Variants in SMAP1 observed in about 807,000 individuals in gnomAD.
SMAP1 encodes small ArfGAP 1, also known as stromal membrane-associated protein 1.
Under a neutral mutation model 58.5 loss-of-function variants are expected in SMAP1, and 24 were observed. The observed-to-expected ratio is 0.41, with a 90% confidence interval of 0.30 to 0.58. The LOEUF (loss-of-function observed/expected upper bound fraction) is 0.58, where lower values mean the gene tolerates loss of function less well. SMAP1 is among the 20% of genes least tolerant of loss of function. The pLI is 0.29. For synonymous variants in SMAP1, 216 were observed against 196.6 expected, an observed-to-expected ratio of 1.10 and a Z score of -0.82; for missense variants, 563 against 566.3, an observed-to-expected ratio of 0.99 and a Z score of 0.06.
intron 1 of SMAP1, among the ~76,000 whole-genome samples, chr6:70,690,823 C>A (rs73747024): frequency 0.013 from 1,900 of 151,846 alleles, 32 homozygotes; most frequent in African/African-American, 0.043. Context: ...TTTAGGCTCA[C>A]CAAATGAATT....
intron 1 of SMAP1, among the ~76,000 whole-genome samples, chr6:70,708,804 G>A (rs757700671): frequency 6.6e-5 from 10 of 152,110 alleles, no homozygotes; most frequent in Non-Finnish European, 1.0e-4. Context: ...CCGTTTTTAA[G>A]TAAGTGTTTT....
chr6:70,689,661 G>T (rs1767076076), intron 1 of SMAP1, among the ~76,000 whole-genome samples: 1 of 152,144 alleles, frequency 6.6e-6, no homozygotes, highest in Non-Finnish European at 1.5e-5. Flanking sequence ...ATTTGAGAGA[G>T]AATTGACATC....
intron 8 of SMAP1, 29 bp downstream of exon 8, chr6:70,852,693 G>T: frequency 6.6e-7 from 1 of 1,508,476 alleles, no homozygotes; most frequent in South Asian, 1.4e-5. Context: ...GTTTTATATG[G>T]TCACTGCTTA....
chr6:70,793,834 A>G (rs1444048802), intron 5 of SMAP1, among the ~76,000 whole-genome samples: 1 of 151,998 alleles, frequency 6.6e-6, no homozygotes, highest in Non-Finnish European at 1.5e-5. Context: ...TCCCGGGTTC[A>G]AGCAATTCTT....
intron 8 of SMAP1, 115 bp from the exon 9 acceptor site, chr6:70,856,744 C>T (rs1282391152): frequency 1.9e-6 from 2 of 1,079,954 alleles, no homozygotes; most frequent in East Asian, 2.6e-5. Flanking sequence ...ACCATTTTAC[C>T]TTCTACAATT....
intron 1 of SMAP1, among the ~76,000 whole-genome samples, chr6:70,707,859 C>G (rs1312518187): frequency 6.6e-6 from 1 of 152,158 alleles, no homozygotes; most frequent in African/African-American, 2.4e-5. Context: ...TGTATTTAAG[C>G]TGTACAGCAT....
At chr6:70,849,333 A>G (rs1047044522) in intron 7 of SMAP1, among the ~76,000 whole-genome samples, 4 of 152,244 alleles carry the variant, frequency 2.6e-5, no homozygotes, top group African/African-American at 7.2e-5. Flanking sequence ...TGACAGCTCC[A>G]TTAACCATGG....
At chr6:70,819,959 A>G (rs12173654) in intron 6 of SMAP1, among the ~76,000 whole-genome samples, 1 of 152,308 alleles carries the variant, frequency 6.6e-6, no homozygotes, top group East Asian at 1.9e-4. Flanking sequence ...ATAAGGCTCT[A>G]TAGGATAGTG....
intron 3 of SMAP1, among the ~76,000 whole-genome samples, chr6:70,768,180 A>G (rs1335432560): frequency 1.3e-5 from 2 of 152,328 alleles, no homozygotes; most frequent in South Asian, 2.1e-4. Context: ...TTTTGCATCA[A>G]TGTTCATCAA....
chr6:70,827,770 G>C (rs1158214392), intron 6 of SMAP1, among the ~76,000 whole-genome samples: 1 of 152,194 alleles, frequency 6.6e-6, no homozygotes, highest in Admixed American at 6.5e-5. Flanking sequence ...CCAGCCCAGT[G>C]AGATACTGTT....
intron 4 of SMAP1, among the ~76,000 whole-genome samples, chr6:70,779,899 G>C (rs544900147): frequency 2.6e-5 from 4 of 152,168 alleles, no homozygotes; most frequent in Non-Finnish European, 5.9e-5. Flanking sequence ...TGACTGCACA[G>C]AGACCATAGT....
chr6:70,805,208 C>CT (rs899450360), intron 6 of SMAP1, among the ~76,000 whole-genome samples: 4 of 152,092 alleles, frequency 2.6e-5, no homozygotes, highest in Non-Finnish European at 5.9e-5. Context: ...TCTTATTACT[C>CT]TTTTTTCTCT....
intron 1 of SMAP1, among the ~76,000 whole-genome samples, chr6:70,697,952 A>G (rs150202903): frequency 5.9e-5 from 9 of 152,314 alleles, no homozygotes; most frequent in East Asian, 1.9e-4. Flanking sequence ...CACAATTACA[A>G]TGCTACAATA....
intron 3 of SMAP1, among the ~76,000 whole-genome samples, chr6:70,755,813 TC>T (rs1233264455): frequency 6.6e-6 from 1 of 152,036 alleles, no homozygotes; most frequent in Non-Finnish European, 1.5e-5. Context: ...TTCCATATAT[TC>T]TTTGATTACC....
intron 3 of SMAP1, among the ~76,000 whole-genome samples, chr6:70,763,359 A>G (rs1766834349): frequency 1.3e-5 from 2 of 152,072 alleles, no homozygotes; most frequent in African/African-American, 2.4e-5. Context: ...AAGGTGGCAA[A>G]TGTTATAACA....
At chr6:70,732,113 G>C (rs1765453177) in intron 1 of SMAP1, among the ~76,000 whole-genome samples, 1 of 152,102 alleles carries the variant, frequency 6.6e-6, no homozygotes, top group Non-Finnish European at 1.5e-5. Context: ...TGAAGAAGCT[G>C]TTTATATAAA....
rs1766092267 is a variant in SMAP1, at chr6:70,667,929, CGGTCCCGGCGGCG to C, written c.-94_-82del. 1 of 1,061,420 alleles carries C rather than the reference CGGTCCCGGCGGCG, an allele frequency of 9.4e-7. No homozygotes were observed. The highest frequency in any genetic ancestry group is 2.8e-5 in the Admixed American group (1 of 35,810). The allele number at this position is 1,061,420 out of a possible 1,614,324, so 65.8% of individuals were successfully genotyped here. On this transcript the variant is annotated 5_prime_UTR_variant, in exon 1 of 11. Coordinates refer to ENST00000370455, the MANE Select transcript of SMAP1 (RefSeq NM_001044305.3). ...CCGCTTCCTGGGCTGAGTCCGCCCG[CGGTCCCGGCGGCG>C]CCAGGTGCGTTCACTCTGCCCGGCT... is the stretch of plus-strand genomic sequence containing the variant.
intron 1 of SMAP1, among the ~76,000 whole-genome samples, chr6:70,712,843 G>T (rs1309205889): frequency 1.4e-5 from 2 of 146,710 alleles, no homozygotes; most frequent in African/African-American, 5.1e-5. Flanking sequence ...ACCTAGGCTG[G>T]AGTGCAGTGG....
intron 6 of SMAP1, among the ~76,000 whole-genome samples, chr6:70,836,719 T>C (rs912596663): frequency 4.6e-5 from 7 of 152,236 alleles, no homozygotes; most frequent in African/African-American, 1.7e-4. Flanking sequence ...TTAAATTGTT[T>C]TATTCACTAT....
Sources: allele counts gnomAD v4.1 joint callset (sites outside exome capture counted in the v4.1 genomes callset), GRCh38; gene constraint gnomAD v4.1.1; transcripts MANE v1.5; gene names NCBI Gene and HGNC (gene_info 2026-07-23, HGNC 2026-07-21).